Variants in MAPKAP1 observed in about 807,000 individuals in gnomAD.
MAPKAP1 encodes target of rapamycin complex 2 subunit MAPKAP1.
MAPKAP1 carries 20 observed loss-of-function variants against 65.7 expected under a neutral mutation model. The observed-to-expected ratio is 0.30, with a 90% confidence interval of 0.21 to 0.44. The LOEUF is 0.44. Ranked by LOEUF, MAPKAP1 falls within the 20% of genes least tolerant of loss-of-function variation. The probability of loss-of-function intolerance (pLI) is 1.00; values close to 1 mark genes in which losing one functional copy is unlikely to be tolerated. For synonymous variants in MAPKAP1, 222 were observed against 244.3 expected, an observed-to-expected ratio of 0.91 and a Z score of 0.85; for missense variants, 423 against 648.0, an observed-to-expected ratio of 0.65 and a Z score of 3.77.
At chr9:125,542,440 C>A (rs753216094) in intron 7 of MAPKAP1, among the ~76,000 whole-genome samples, 58 of 152,274 alleles carry the variant, frequency 3.8e-4, no homozygotes, top group Non-Finnish European at 6.3e-4. Flanking sequence ...TATGACAAAT[C>A]TTTGAGCTAT....
At chr9:125,569,574 A>G (rs898439545) in intron 5 of MAPKAP1, among the ~76,000 whole-genome samples, 10 of 152,346 alleles carry the variant, frequency 6.6e-5, no homozygotes, top group Admixed American at 2.0e-4. Flanking sequence ...AAATTCTAAA[A>G]GGACGTTATT....
intron 4 of MAPKAP1, among the ~76,000 whole-genome samples, chr9:125,621,428 C>G (rs1009745906): frequency 2.6e-5 from 4 of 152,016 alleles, no homozygotes; most frequent in African/African-American, 9.7e-5. Flanking sequence ...AAAACAGGTA[C>G]AGAGAATTTT....
At chr9:125,599,107 C>A (rs953036340) in intron 4 of MAPKAP1, among the ~76,000 whole-genome samples, 1 of 151,164 alleles carries the variant, frequency 6.6e-6, no homozygotes, top group South Asian at 2.1e-4. Flanking sequence ...TCAAGAAATA[C>A]TGGTTATTAT....
At position 125,545,695 on chromosome 9, in the gene MAPKAP1, G is replaced by A. The variant is rs76738119; in HGVS notation, c.849-2527C>T. Among the ~76,000 whole-genome samples, 759 of 152,260 alleles carry A rather than the reference G, an allele frequency of 5.0e-3. 5 individuals are homozygous for A. Among genetic ancestry groups the A allele is most frequent in the African/African-American group, 0.017 (712 of 41,568 alleles). On this transcript the variant is annotated intron_variant, in intron 6 of 11. Coordinates refer to ENST00000265960, the MANE Select transcript of MAPKAP1 (RefSeq NM_001006617.3). Reference sequence around the variant, plus strand: ...CTAAAAGCTCAAAAGGAAGCCTTGTGTTTGGACTAATTTCCATAAATTAAA... The same window carrying A: ...CTAAAAGCTCAAAAGGAAGCCTTGTATTTGGACTAATTTCCATAAATTAAA...
At chr9:125,543,192 A>G in intron 6 of MAPKAP1, 24 bp from the exon 7 acceptor site, 1 of 1,474,846 alleles carries the variant, frequency 6.8e-7, no homozygotes, top group South Asian at 1.1e-5. Context: ...CAAATATTAA[A>G]TCATCACCAA....
At chr9:125,647,071 T>C (rs1185605043) in intron 4 of MAPKAP1, among the ~76,000 whole-genome samples, 5 of 152,240 alleles carry the variant, frequency 3.3e-5, no homozygotes, top group African/African-American at 4.8e-5. Flanking sequence ...CTGACACTAA[T>C]ACTTTTTAAC....
At chr9:125,566,586 GAAAAA>G (rs1831060990) in intron 5 of MAPKAP1, among the ~76,000 whole-genome samples, 1 of 145,900 alleles carries the variant, frequency 6.9e-6, no homozygotes, top group Non-Finnish European at 1.5e-5. Flanking sequence ...AAAAGAAAAA[GAAAAA>G]GAAAAAGAAA....
intron 8 of MAPKAP1, among the ~76,000 whole-genome samples, chr9:125,491,409 C>T (rs755873763): frequency 5.9e-5 from 9 of 152,050 alleles, no homozygotes; most frequent in Non-Finnish European, 1.2e-4. Context: ...CCACTGCACT[C>T]TAGCCTGGGT....
chr9:125,587,696 A>G (rs1831831051), intron 4 of MAPKAP1, among the ~76,000 whole-genome samples: 1 of 152,238 alleles, frequency 6.6e-6, no homozygotes, highest in East Asian at 1.9e-4. Flanking sequence ...TACTATCTAG[A>G]ATACGTTAAG....
chr9:125,656,933 C>T (rs548005844), intron 4 of MAPKAP1, among the ~76,000 whole-genome samples: 1 of 152,254 alleles, frequency 6.6e-6, no homozygotes, highest in South Asian at 2.1e-4. Context: ...AACAAACACA[C>T]TTTAATTTCA....
chr9:125,699,489 C>G (rs1835532507), intron 1 of MAPKAP1, among the ~76,000 whole-genome samples: 1 of 151,936 alleles, frequency 6.6e-6, no homozygotes, highest in Non-Finnish European at 1.5e-5. Flanking sequence ...GGTTATGAGC[C>G]ACCTCACCCA....
intron 5 of MAPKAP1, among the ~76,000 whole-genome samples, chr9:125,569,963 A>T (rs1182917837): frequency 6.6e-6 from 1 of 152,248 alleles, no homozygotes; most frequent in Non-Finnish European, 1.5e-5. Flanking sequence ...AAAATGACTG[A>T]TAAAAATGTT....
At chr9:125,634,130 T>C (rs1222233529) in intron 4 of MAPKAP1, among the ~76,000 whole-genome samples, 1 of 152,346 alleles carries the variant, frequency 6.6e-6, no homozygotes, top group Admixed American at 6.5e-5. Flanking sequence ...CACTGTTAAT[T>C]TGTAATGAAC....
At chr9:125,489,589 G>A (rs1158488699) in intron 8 of MAPKAP1, among the ~76,000 whole-genome samples, 1 of 152,064 alleles carries the variant, frequency 6.6e-6, no homozygotes, top group Non-Finnish European at 1.5e-5. Flanking sequence ...AGGTATGGAG[G>A]ACAAGCAGAA....
chr9:125,544,093 C>G (rs535822542), intron 6 of MAPKAP1, among the ~76,000 whole-genome samples: 1 of 152,246 alleles, frequency 6.6e-6, no homozygotes, highest in East Asian at 1.9e-4. Context: ...TCACTGCAAC[C>G]TCTGCTGCCC....
rs116693706 is a variant in MAPKAP1 at position 125,542,699 on chromosome 9, T to G, written c.958+360A>C. On this transcript the variant is annotated intron_variant, in intron 7 of 11. Coordinates refer to ENST00000265960, the MANE Select transcript of MAPKAP1 (RefSeq NM_001006617.3). ...CTAAAAGTTCTCCCATGGGAAATTA[T>G]GTGAAAACATGAAATTAATAGCAGT... is the stretch of plus-strand genomic sequence containing the variant. Among the ~76,000 whole-genome samples the G allele has an allele frequency of 2.7e-3, 406 of 152,336 alleles. 1 individual carries two copies. The highest frequency in any genetic ancestry group is 8.8e-3 in the African/African-American group (368 of 41,582).
intron 6 of MAPKAP1, among the ~76,000 whole-genome samples, chr9:125,555,989 CA>C (rs2133203210): frequency 6.6e-6 from 1 of 152,330 alleles, no homozygotes; most frequent in East Asian, 1.9e-4. Flanking sequence ...ACAGATCTAT[CA>C]CAGTAATGGA....
chr9:125,532,183 GCA>G (rs1829952376), intron 7 of MAPKAP1, among the ~76,000 whole-genome samples: 1 of 152,084 alleles, frequency 6.6e-6, no homozygotes, highest in African/African-American at 2.4e-5. Context: ...ATACAAGTGT[GCA>G]CACACACACT....
At chr9:125,612,393 C>A (rs924711611) in intron 4 of MAPKAP1, among the ~76,000 whole-genome samples, 1 of 152,006 alleles carries the variant, frequency 6.6e-6, no homozygotes, top group African/African-American at 2.4e-5. Context: ...AGCTTCTGTA[C>A]AAATTCTTTT....
Sources: allele counts gnomAD v4.1 joint callset (sites outside exome capture counted in the v4.1 genomes callset), GRCh38; gene constraint gnomAD v4.1.1; transcripts MANE v1.5; gene names NCBI Gene and HGNC (gene_info 2026-07-23, HGNC 2026-07-21).